Variants in CTNNA2 observed in about 807,000 individuals in gnomAD.
CTNNA2 encodes catenin alpha-2.
CTNNA2 carries 42 observed loss-of-function variants against 101.0 expected under a neutral mutation model. That is an observed-to-expected ratio of 0.42 (90% confidence interval 0.32 to 0.54). CTNNA2 has a LOEUF of 0.54. CTNNA2 is among the 20% of genes least tolerant of loss of function. The probability of loss-of-function intolerance (pLI) is 0.14; values close to 1 mark genes in which losing one functional copy is unlikely to be tolerated. For synonymous variants in CTNNA2, 450 were observed against 456.4 expected, an observed-to-expected ratio of 0.99 and a Z score of 0.18; for missense variants, 871 against 1,223.1, an observed-to-expected ratio of 0.71 and a Z score of 4.29.
intron 7 of CTNNA2, among the ~76,000 whole-genome samples, chr2:80,036,248 A>G (rs1332695067): frequency 1.3e-5 from 2 of 152,204 alleles, no homozygotes; most frequent in East Asian, 3.9e-4. Flanking sequence ...AGAGAGTCAG[A>G]GACAGAGAGA....
At position 80,305,339 on chromosome 2, in the gene CTNNA2, G is replaced by T; in HGVS notation, c.1057-87872G>T. ...TGGCAAAAAGGTATGTCTGTGTGCA[G>T]GGAGACTTGACTGAGATCCCTCCGG... On this transcript the variant is annotated intron_variant, in intron 7 of 18. Transcript: ENST00000402739. 4.1e-6 allele frequency: 4 copies of T among 985,396 alleles called. No homozygotes were observed. In the South Asian group the frequency reaches 1.4e-4, roughly 35 times the overall value. 61.0% of individuals were successfully genotyped at this position (985,396 alleles called of 1,614,324 possible). A position where few individuals can be genotyped will look rare whatever the true frequency, so the allele number is the denominator to read the frequency against.
At chr2:79,735,447 A>G (rs1356262634) in intron 2 of CTNNA2, among the ~76,000 whole-genome samples, 1 of 152,150 alleles carries the variant, frequency 6.6e-6, no homozygotes, top group Non-Finnish European at 1.5e-5. Context: ...GAAGCCACAG[A>G]AACTTTAGCC....
chr2:79,439,341 A>T (rs151278144), intron 4 of CTNNA2, among the ~76,000 whole-genome samples: 1 of 152,204 alleles, frequency 6.6e-6, no homozygotes, highest in Non-Finnish European at 1.5e-5. Context: ...GTATGATTTC[A>T]TTTCTGTGAA....
intron 3 of CTNNA2, among the ~76,000 whole-genome samples, chr2:79,337,828 T>C (rs1239301177): frequency 6.6e-6 from 1 of 152,152 alleles, no homozygotes; most frequent in Non-Finnish European, 1.5e-5. Context: ...ATTATTTTGA[T>C]ATTTACAAGC....
chr2:79,800,249 G>A (rs1307511789), intron 3 of CTNNA2, among the ~76,000 whole-genome samples: 1 of 147,382 alleles, frequency 6.8e-6, no homozygotes, highest in African/African-American at 2.6e-5. Context: ...AGAATTTCTG[G>A]GAAGCTCGCA....
At chr2:79,742,542 A>C (rs1052821473) in intron 2 of CTNNA2, among the ~76,000 whole-genome samples, 1 of 152,048 alleles carries the variant, frequency 6.6e-6, no homozygotes, top group African/African-American at 2.4e-5. Flanking sequence ...TGGGGAGTTG[A>C]GGTTCTTGGA....
At chr2:80,158,036 GATCA>G (rs1558861235) in intron 7 of CTNNA2, among the ~76,000 whole-genome samples, 1 of 152,144 alleles carries the variant, frequency 6.6e-6, no homozygotes, top group Non-Finnish European at 1.5e-5. Context: ...ATATGAAACT[GATCA>G]ATTAGGTAAA....
intron 1 of CTNNA2, among the ~76,000 whole-genome samples, chr2:79,644,939 T>C (rs1680704876): frequency 6.6e-6 from 1 of 152,144 alleles, no homozygotes; most frequent in Non-Finnish European, 1.5e-5. Flanking sequence ...GTTTTGAGCA[T>C]AAACTTTGAA....
At chr2:79,429,240 C>CT (rs978993087) in intron 4 of CTNNA2, among the ~76,000 whole-genome samples, 6 of 151,476 alleles carry the variant, frequency 4.0e-5, no homozygotes, top group African/African-American at 1.5e-4. Context: ...GGCTCGTGAA[C>CT]TTTTTTTTTA....
chr2:79,399,482 A>T (rs545444247), intron 4 of CTNNA2, among the ~76,000 whole-genome samples: 10 of 152,200 alleles, frequency 6.6e-5, no homozygotes, highest in African/African-American at 2.4e-4. Flanking sequence ...AGCATTTAAG[A>T]TGTTCTCTAA....
intron 7 of CTNNA2, among the ~76,000 whole-genome samples, chr2:79,996,994 C>T (rs2103934464): frequency 6.6e-6 from 1 of 152,232 alleles, no homozygotes; most frequent in East Asian, 1.9e-4. Context: ...GAAGGGCAGA[C>T]ATGGTAGGGG....
chr2:80,108,597 C>T (rs544069623), intron 7 of CTNNA2, among the ~76,000 whole-genome samples: 18 of 152,256 alleles, frequency 1.2e-4, no homozygotes, highest in South Asian at 4.1e-4. Context: ...TTTACTAATG[C>T]GATAAAATCG....
At chr2:80,347,838 CTTTTCT>C (rs1472733610) in intron 7 of CTNNA2, among the ~76,000 whole-genome samples, 1 of 146,868 alleles carries the variant, frequency 6.8e-6, no homozygotes, top group East Asian at 2.1e-4. Flanking sequence ...TTTTTCTTTT[CTTTTCT>C]TTTTTTTTTT....
intron 7 of CTNNA2, among the ~76,000 whole-genome samples, chr2:79,948,608 G>A (rs183720046): frequency 2.0e-5 from 3 of 152,324 alleles, no homozygotes; most frequent in Non-Finnish European, 4.4e-5. Context: ...AGAAAGAGGA[G>A]ACAATTTATC....
At chr2:79,925,703 T>G (rs1686975414) in intron 7 of CTNNA2, among the ~76,000 whole-genome samples, 1 of 152,240 alleles carries the variant, frequency 6.6e-6, no homozygotes, top group East Asian at 1.9e-4. Context: ...GAGAGAGGAA[T>G]GAGTGTGACT....
intron 7 of CTNNA2, among the ~76,000 whole-genome samples, chr2:80,364,631 T>C (rs1674743453): frequency 6.6e-6 from 1 of 151,528 alleles, no homozygotes; most frequent in Admixed American, 6.6e-5. Context: ...TTTAAGTACT[T>C]TGTATCTTCC....
At chr2:80,228,144 G>A (rs1346392467) in intron 7 of CTNNA2, among the ~76,000 whole-genome samples, 1 of 152,164 alleles carries the variant, frequency 6.6e-6, no homozygotes, top group Non-Finnish European at 1.5e-5. Flanking sequence ...GCAAAATTTT[G>A]TTGTCAGTAA....
At chr2:80,341,647 C>G (rs1672259570) in intron 7 of CTNNA2, among the ~76,000 whole-genome samples, 1 of 152,000 alleles carries the variant, frequency 6.6e-6, no homozygotes, top group African/African-American at 2.4e-5. Context: ...AAATTAGAAC[C>G]CTCACTCATT....
chr2:80,532,557 C>T (rs970931257), intron 9 of CTNNA2, among the ~76,000 whole-genome samples: 1 of 152,088 alleles, frequency 6.6e-6, no homozygotes, highest in African/African-American at 2.4e-5. Flanking sequence ...TATTTTATTA[C>T]TAGTTATTGT....
Sources: gnomAD v4.1 joint callset for allele counts (sites outside exome capture counted in the v4.1 genomes callset) on GRCh38, gnomAD v4.1.1 for gene constraint, MANE v1.5 for transcripts, NCBI Gene and HGNC (gene_info 2026-07-23, HGNC 2026-07-21) for gene names.